Variants in RBFOX1 observed in about 807,000 individuals in gnomAD.
RBFOX1 encodes the protein RNA binding fox-1 homolog 1.
In RBFOX1, 8 loss-of-function variants were observed where a neutral mutation model predicts 57.7. The ratio of observed to expected loss-of-function variants is 0.14; its 90% CI spans 0.08 to 0.25. The LOEUF (loss-of-function observed/expected upper bound fraction) is 0.25, where lower values mean the gene tolerates loss of function less well. RBFOX1 is among the 10% of genes least tolerant of loss of function. The probability of loss-of-function intolerance (pLI) is 1.00; values close to 1 mark genes in which losing one functional copy is unlikely to be tolerated. For missense variants in RBFOX1, 611 were observed against 548.5 expected, an observed-to-expected ratio of 1.11 and a Z score of -1.14; for synonymous variants, 326 against 222.4, an observed-to-expected ratio of 1.47 and a Z score of -4.15.
intron 15 of RBFOX1, 122 bp downstream of exon 15, chr16:7,709,253 A>C: frequency 1.9e-6 from 2 of 1,061,650 alleles, no homozygotes; most frequent in Non-Finnish European, 2.7e-6. Flanking sequence ...TCTTGTGCTA[A>C]CAGCAGCTAA....
chr16:7,028,146 G>T (rs914496409), intron 3 of RBFOX1, among the ~76,000 whole-genome samples: 2 of 152,258 alleles, frequency 1.3e-5, no homozygotes, highest in East Asian at 1.9e-4. Context: ...TGGAAGTCAA[G>T]GTCCAATATA....
intron 4 of RBFOX1, among the ~76,000 whole-genome samples, chr16:7,304,000 G>T (rs1403045406): frequency 6.6e-6 from 1 of 151,916 alleles, no homozygotes; most frequent in Admixed American, 6.6e-5. Flanking sequence ...CCACTTTCCG[G>T]GGGATCAAAA....
At chr16:6,093,399 C>T (rs1197231092) in intron 1 of RBFOX1, among the ~76,000 whole-genome samples, 2 of 151,876 alleles carry the variant, frequency 1.3e-5, no homozygotes, top group Non-Finnish European at 2.9e-5. Flanking sequence ...AGTGAGACGC[C>T]ATCTCTTAAA....
chr16:6,571,206 T>C (rs1392533207), intron 2 of RBFOX1, among the ~76,000 whole-genome samples: 1 of 152,168 alleles, frequency 6.6e-6, no homozygotes, highest in East Asian at 1.9e-4. Flanking sequence ...CCAAAAGGCT[T>C]CTTCGAAAAT....
At chr16:5,353,112 G>A (rs979779541) in intron 1 of RBFOX1, among the ~76,000 whole-genome samples, 8 of 151,414 alleles carry the variant, frequency 5.3e-5, no homozygotes, top group African/African-American at 1.5e-4. Flanking sequence ...GGTGGTGCAC[G>A]CCTGTAATCC....
chr16:6,356,329 C>T (rs1291243905), intron 2 of RBFOX1, among the ~76,000 whole-genome samples: 1 of 152,192 alleles, frequency 6.6e-6, no homozygotes, highest in Non-Finnish European at 1.5e-5. Flanking sequence ...CAGCATGTCA[C>T]ATTAATTGTT....
At chr16:6,006,396 AT>A (rs1567247802) in intron 4 of RBFOX1, among the ~76,000 whole-genome samples, 1 of 151,976 alleles carries the variant, frequency 6.6e-6, no homozygotes, top group African/African-American at 2.4e-5. Context: ...AAGGAAAAAA[AT>A]GTTCTCCTTC....
At chr16:5,309,854 CT>C (rs1455705405) in intron 1 of RBFOX1, among the ~76,000 whole-genome samples, 1 of 152,210 alleles carries the variant, frequency 6.6e-6, no homozygotes, top group Non-Finnish European at 1.5e-5. Flanking sequence ...CTTTGTTTCC[CT>C]GCCTGGCATT....
intron 3 of RBFOX1, among the ~76,000 whole-genome samples, chr16:6,681,971 C>G (rs896334147): frequency 6.6e-6 from 1 of 152,044 alleles, no homozygotes; most frequent in Admixed American, 6.6e-5. Flanking sequence ...TTTTCTGAAC[C>G]TTTATTTCTT....
At chr16:5,821,922 A>T (rs1420640188) in intron 3 of RBFOX1, among the ~76,000 whole-genome samples, 1 of 152,132 alleles carries the variant, frequency 6.6e-6, no homozygotes, top group Non-Finnish European at 1.5e-5. Flanking sequence ...CCTCCTAAAG[A>T]CCCCACTTAC....
chr16:6,517,203 G>A (rs535007563), intron 2 of RBFOX1, among the ~76,000 whole-genome samples: 9 of 152,104 alleles, frequency 5.9e-5, no homozygotes, highest in Non-Finnish European at 7.4e-5. Flanking sequence ...CTTTATGGAA[G>A]GGCGTGATGA....
intron 3 of RBFOX1, among the ~76,000 whole-genome samples, chr16:5,758,999 A>G (rs1247982620): frequency 1.3e-5 from 2 of 152,336 alleles, no homozygotes; most frequent in Non-Finnish European, 1.5e-5. Context: ...CAGTTAAACC[A>G]TGGTGAGTTT....
intron 2 of RBFOX1, among the ~76,000 whole-genome samples, chr16:6,412,648 A>C (rs1215029290): frequency 2.0e-4 from 30 of 152,216 alleles, no homozygotes. Flanking sequence ...CTTCACATGC[A>C]CTTTGATGTG....
At chr16:7,196,886 A>G (rs1423452896) in intron 4 of RBFOX1, among the ~76,000 whole-genome samples, 3 of 152,206 alleles carry the variant, frequency 2.0e-5, no homozygotes, top group Non-Finnish European at 4.4e-5. Context: ...GCCAAAGGTA[A>G]ATATGCACAG....
At chr16:6,542,433 G>T (rs1394997602) in intron 2 of RBFOX1, among the ~76,000 whole-genome samples, 1 of 148,660 alleles carries the variant, frequency 6.7e-6, no homozygotes, top group Non-Finnish European at 1.5e-5. Context: ...GCTAAGAAAG[G>T]TGTCTCAGTG....
At chr16:7,242,025 T>G (rs2094090888) in intron 4 of RBFOX1, among the ~76,000 whole-genome samples, 1 of 152,144 alleles carries the variant, frequency 6.6e-6, no homozygotes, top group Non-Finnish European at 1.5e-5. Flanking sequence ...TTTTGTGCAG[T>G]GTCCCTGACC....
chr16:5,492,161 G>A (rs188863774), intron 2 of RBFOX1, among the ~76,000 whole-genome samples: 1 of 152,170 alleles, frequency 6.6e-6, no homozygotes, highest in African/African-American at 2.4e-5. Flanking sequence ...GGACATGCTG[G>A]TGCATGCTCA....
At chr16:7,203,365 G>A (rs1377578396) in intron 4 of RBFOX1, among the ~76,000 whole-genome samples, 1 of 152,188 alleles carries the variant, frequency 6.6e-6, no homozygotes, top group Non-Finnish European at 1.5e-5. Context: ...GAATGGTGGT[G>A]GCTGGTGGAG....
intron 1 of RBFOX1, among the ~76,000 whole-genome samples, chr16:5,284,070 G>A (rs927744109): frequency 2.6e-5 from 4 of 151,942 alleles, no homozygotes; most frequent in Non-Finnish European, 4.4e-5. Flanking sequence ...AATAAGTCTC[G>A]CAAGATCTGA....
Sources: gnomAD v4.1 joint callset for allele counts (sites outside exome capture counted in the v4.1 genomes callset) on GRCh38, gnomAD v4.1.1 for gene constraint, MANE v1.5 for transcripts, NCBI Gene and HGNC (gene_info 2026-07-23, HGNC 2026-07-21) for gene names.